Variants in MCF2L observed in about 807,000 individuals in gnomAD.
MCF2L encodes the protein guanine nucleotide exchange factor DBS.
Under a neutral mutation model 153.4 loss-of-function variants are expected in MCF2L, and 97 were observed. The observed-to-expected ratio is 0.63, with a 90% CI of 0.54 to 0.75. The LOEUF is 0.75. MCF2L is among the 30% of genes least tolerant of loss of function. The pLI is 0.00. For missense variants in MCF2L, 1,347 were observed against 1,495.2 expected (o/e 0.90, Z 1.64); for synonymous variants, 659 against 632.2 (o/e 1.04, Z -0.64).
intron 2 of MCF2L, among the ~76,000 whole-genome samples, chr13:112,920,188 T>G: frequency 6.6e-6 from 1 of 152,124 alleles, no homozygotes; most frequent in South Asian, 2.1e-4. Context: ...AACTGCAGAG[T>G]GAAGAGCTCA....
intron 1 of MCF2L, among the ~76,000 whole-genome samples, chr13:113,004,220 G>T (rs1385787741): frequency 6.6e-6 from 1 of 152,306 alleles, no homozygotes; most frequent in African/African-American, 2.4e-5. Context: ...CTACATAGAG[G>T]CCACCTGGCG....
intron 3 of MCF2L, among the ~76,000 whole-genome samples, chr13:113,038,958 C>T (rs753264960): frequency 1.6e-4 from 24 of 152,268 alleles, no homozygotes; most frequent in South Asian, 8.3e-4. Flanking sequence ...CCCGGGTTCA[C>T]GCCATTCTCC....
intron 26 of MCF2L, chr13:113,090,294 C>T: frequency 7.9e-7 from 1 of 1,265,706 alleles, no homozygotes; most frequent in Non-Finnish European, 1.0e-6. Flanking sequence ...TCACGTGTTC[C>T]CTGATGCTGT....
At chr13:112,979,878 TG>T (rs1167052669) in intron 1 of MCF2L, 1 of 879,176 alleles carries the variant, frequency 1.1e-6, no homozygotes, top group East Asian at 2.7e-5. Context: ...AGCAAAAACC[TG>T]TGCAGCTCGG....
rs936411053 is a variant in MCF2L at position 113,064,662 on chromosome 13, G to A, written c.606+242G>A. 17 of 588,218 alleles carry A rather than the reference G, an allele frequency of 2.9e-5. No individual in the cohort carries two copies. Among genetic ancestry groups the A allele is most frequent in the African/African-American group, 1.1e-4 (6 of 53,422 alleles). 36.4% of individuals were successfully genotyped at this position (588,218 alleles called of 1,614,324 possible). A position where few individuals can be genotyped will look rare whatever the true frequency, so the allele number is the denominator to read the frequency against. On this transcript the variant is annotated intron_variant, in intron 6 of 29. Transcript: ENST00000535094. The surrounding 1 kb of genome is among the most constrained non-coding windows in gnomAD (Gnocchi z 6.0). ...CCAAAAAAAAAAAAAAAACCCTTGC[G>A]TTGTGGTTTGCAACACTCACTGCTC... is the stretch of plus-strand genomic sequence containing the variant.
Position 113,045,261 on chromosome 13 carries a change from C to G in MCF2L, c.279-10C>G, listed in dbSNP as rs41286598. 4 of 1,611,382 alleles carry G rather than the reference C, an allele frequency of 2.5e-6. No individual in the cohort carries two copies. Among genetic ancestry groups the G allele is most frequent in the Non-Finnish European group, 3.4e-6 (4 of 1,177,834 alleles). On this transcript the variant is annotated splice_polypyrimidine_tract_variant and intron_variant, in intron 3 of 29. Transcript: ENST00000535094. The surrounding 1 kb of genome is among the most constrained non-coding windows in gnomAD (Gnocchi z 4.2). ...CACACATTAACGGCGGCGTCTCTTC[C>G]TCACTGCAGCCTGCAGGACGCTGGC... is the stretch of plus-strand genomic sequence containing the variant.
Position 113,081,283 on chromosome 13 carries a change from A to G in MCF2L, c.1875+4A>G. On this transcript the variant is annotated splice_donor_region_variant and intron_variant, in intron 16 of 29. Transcript: ENST00000535094. ...GGAGCTGCTGTGCGTCCTGGAGGTG[A>G]GGCTGGACTCGGGGAGGGCCGACTG... is the stretch of plus-strand genomic sequence containing the variant. The G allele has an allele frequency of 6.3e-7, 1 of 1,582,448 alleles. No homozygotes were observed. Among genetic ancestry groups the G allele is most frequent in the Non-Finnish European group, 8.6e-7 (1 of 1,165,476 alleles).
rs1393377296 is a variant in MCF2L at position 113,012,356 on chromosome 13, C to A, written c.80-2407C>A. On this transcript the variant is annotated intron_variant, in intron 1 of 29. Coordinates refer to ENST00000535094, the MANE Select transcript of MCF2L (RefSeq NM_001112732.3). Reference sequence around the variant, plus strand: ...GTGGACAGGCAGTGTGGACGGTGGACACTGTGATGCGGACGGTGGACAGGC... The same window carrying A: ...GTGGACAGGCAGTGTGGACGGTGGAAACTGTGATGCGGACGGTGGACAGGC... 2.2e-5 allele frequency among the ~76,000 whole-genome samples: 2 copies of A among 91,546 alleles called. 1 individual carries two copies. The highest frequency in any genetic ancestry group is 4.6e-5 in the Non-Finnish European group (2 of 43,188). 60.1% of individuals were successfully genotyped at this position (91,546 alleles called of 152,430 possible).
chr13:113,053,048 AT>A lies in MCF2L; in HGVS notation c.370-7541del, dbSNP rs1191507600. On this transcript the variant is annotated intron_variant, in intron 4 of 29. Transcript: ENST00000535094. This position sits in a 1 kb window ranked among gnomAD's most constrained non-coding sequence, Gnocchi z 4.4. Reference sequence around the variant, plus strand: ...CACATAAACACAGACACACACACACATTTTGCTGGTGAGAGCCGGCTCTGCC... The same window carrying A: ...CACATAAACACAGACACACACACACATTTGCTGGTGAGAGCCGGCTCTGCC... Among the ~76,000 whole-genome samples the A allele has an allele frequency of 6.6e-6, 1 of 151,912 alleles. No individual in the cohort carries two copies. Among genetic ancestry groups the A allele is most frequent in the Non-Finnish European group, 1.5e-5 (1 of 67,964 alleles).
rs747057156 is a variant in MCF2L, at chr13:112,978,590, G to A, written c.79+9132G>A. The stretch of plus-strand genomic sequence containing the variant: ...CCGATGCCAGTGGGAGGACATGGTA[G>A]GCAGGGACCCTCCATACGTTCTGGG... On this transcript the variant is annotated intron_variant, in intron 1 of 29. Transcript: ENST00000535094. Among the ~76,000 whole-genome samples, 7 of 152,326 alleles carry A rather than the reference G, an allele frequency of 4.6e-5. 1 individual carries two copies. In the South Asian group the frequency reaches 6.2e-4, roughly 14 times the overall value.
chr13:113,094,669 G>A, intron 27 of MCF2L, 34 bp downstream of exon 27: 1 of 1,596,092 alleles, frequency 6.3e-7, no homozygotes, highest in African/African-American at 1.3e-5. Context: ...ACTTGGGGTG[G>A]GGGCTGCCCT....
intron 1 of MCF2L, among the ~76,000 whole-genome samples, chr13:113,002,463 C>G (rs1053081174): frequency 2.0e-5 from 3 of 152,218 alleles, no homozygotes; most frequent in African/African-American, 7.2e-5. Context: ...TGGGGCCACC[C>G]GTGGTGCAAG....
chr13:113,020,428 T>C (rs1428131851), intron 2 of MCF2L, among the ~76,000 whole-genome samples: 1 of 152,250 alleles, frequency 6.6e-6, no homozygotes, highest in Non-Finnish European at 1.5e-5. Flanking sequence ...TATCTACCTG[T>C]GTGTCTCAAC....
At position 113,027,422 on chromosome 13, in the gene MCF2L, G is replaced by T. The variant is rs769687278; in HGVS notation, c.278+2664G>T. Among the ~76,000 whole-genome samples, 2 of 152,162 alleles carry T rather than the reference G, an allele frequency of 1.3e-5. No homozygotes were observed. Among genetic ancestry groups the T allele is most frequent in the African/African-American group, 4.8e-5 (2 of 41,438 alleles). ...CCGGTGGGCCTTTCGGGGGCAGGAC[G>T]TCTTGGTGGGCAGAAAGAAGGGGGC... is the stretch of plus-strand genomic sequence containing the variant. On this transcript the variant is annotated intron_variant, in intron 3 of 29. Coordinates refer to ENST00000535094, the MANE Select transcript of MCF2L (RefSeq NM_001112732.3). This position sits in a 1 kb window ranked among gnomAD's most constrained non-coding sequence, Gnocchi z 4.8.
At chr13:113,023,128 C>T (rs1194835517) in intron 2 of MCF2L, among the ~76,000 whole-genome samples, 4 of 152,196 alleles carry the variant, frequency 2.6e-5, no homozygotes, top group East Asian at 1.9e-4. Context: ...GAAGGGGGGC[C>T]GTCACGGTGT....
chr13:112,923,630 T>G (rs1333715999), intron 2 of MCF2L, among the ~76,000 whole-genome samples: 1 of 152,200 alleles, frequency 6.6e-6, no homozygotes, highest in Non-Finnish European at 1.5e-5. Context: ...CCAAATTGTT[T>G]GTTTTTTGCC....
At chr13:113,096,341 C>G (rs1165657591) in intron 27 of MCF2L, 30 bp from the exon 28 acceptor site, 1 of 1,504,978 alleles carries the variant, frequency 6.6e-7, no homozygotes, top group South Asian at 1.2e-5. Context: ...GGTGCTGACG[C>G]TGTCTGTGCC....
chr13:113,086,309 A>G, intron 21 of MCF2L, 60 bp downstream of exon 21: 2 of 1,590,124 alleles, frequency 1.3e-6, no homozygotes, highest in Non-Finnish European at 1.7e-6. Flanking sequence ...CAGCCCAGCA[A>G]CTTGGCGGCC....
At position 113,088,393 on chromosome 13, in the gene MCF2L, C is replaced by G; in HGVS notation, c.2755C>G (p.Gln919Glu). ...TCGGAAAGTGCTGACCAGCCAGCTG[C>G]AGGCTTGTAGAGGTGAGGCTGTCTT... The part of the protein sequence containing the change: ...EIRKVLTSQL[Q>E]ACREASQHRA... The change falls in exon 24 of 30, where the codon CAG (glutamine) becomes GAG (glutamate). Residue 919 changes from glutamine to glutamate, a missense_variant. Gln to Glu is a conservative substitution (Grantham distance 29, BLOSUM62 2). Transcript: ENST00000535094. 1 of 1,614,012 alleles carries G rather than the reference C, an allele frequency of 6.2e-7. No homozygotes were observed.
Sources: allele counts gnomAD v4.1 joint callset (sites outside exome capture counted in the v4.1 genomes callset), GRCh38; gene constraint gnomAD v4.1.1; non-coding constraint Gnocchi (gnomAD v3.1); transcripts MANE v1.5; gene names NCBI Gene and HGNC (gene_info 2026-07-23, HGNC 2026-07-21).